The following TTC29 variants were observed in gnomAD, a reference collection of about 807,000 sequenced individuals.
The protein encoded by TTC29 is tetratricopeptide repeat protein 29.
Under a neutral mutation model 58.1 loss-of-function variants are expected in TTC29, and 49 were observed. The observed-to-expected ratio is 0.84, with a 90% CI of 0.67 to 1.07. TTC29 has a LOEUF of 1.07. TTC29 is among the 50% of genes least tolerant of loss of function. TTC29 has a pLI of 0.00. For synonymous variants in TTC29, 209 were observed against 196.8 expected, an observed-to-expected ratio of 1.06 and a Z score of -0.52; for missense variants, 582 against 555.6, an observed-to-expected ratio of 1.05 and a Z score of -0.48.
intron 11 of TTC29, among the ~76,000 whole-genome samples, chr4:146,769,107 G>A (rs1191136806): frequency 1.3e-5 from 2 of 151,884 alleles, no homozygotes; most frequent in East Asian, 3.9e-4. Flanking sequence ...TTGCTTTCAA[G>A]CATTTCTCCC....
chr4:146,892,104 G>A (rs996172270), intron 6 of TTC29, among the ~76,000 whole-genome samples: 18 of 152,102 alleles, frequency 1.2e-4, no homozygotes, highest in African/African-American at 4.3e-4. Flanking sequence ...GGAGGTGATT[G>A]GATCATGGGG....
At chr4:146,933,080 G>A (rs921977202) in intron 4 of TTC29, among the ~76,000 whole-genome samples, 2 of 151,142 alleles carry the variant, frequency 1.3e-5, no homozygotes, top group African/African-American at 2.4e-5. Context: ...AAGATATGAA[G>A]TAAATTGTTC....
chr4:146,788,572 T>C (rs1467766525), intron 11 of TTC29, among the ~76,000 whole-genome samples: 1 of 151,920 alleles, frequency 6.6e-6, no homozygotes, highest in African/African-American at 2.4e-5. Context: ...TCCCACACCA[T>C]TTAATAATAG....
intron 4 of TTC29, among the ~76,000 whole-genome samples, chr4:146,915,296 A>G (rs1734148931): frequency 1.3e-5 from 2 of 151,946 alleles, no homozygotes; most frequent in Non-Finnish European, 2.9e-5. Flanking sequence ...TATTGCATTG[A>G]TTAGGAATTT....
intron 8 of TTC29, among the ~76,000 whole-genome samples, chr4:146,859,184 A>G (rs904894777): frequency 2.0e-5 from 3 of 152,154 alleles, no homozygotes; most frequent in Admixed American, 6.6e-5. Flanking sequence ...TTCAAACTAC[A>G]GATAGAATAA....
At chr4:146,865,692 G>A (rs1003447732) in intron 8 of TTC29, among the ~76,000 whole-genome samples, 19 of 152,036 alleles carry the variant, frequency 1.2e-4, no homozygotes, top group East Asian at 1.9e-4. Flanking sequence ...AATGAGACTC[G>A]TCTATAGTTA....
intron 11 of TTC29, among the ~76,000 whole-genome samples, chr4:146,736,796 G>A (rs1391966366): frequency 2.6e-5 from 4 of 152,196 alleles, no homozygotes; most frequent in African/African-American, 9.6e-5. Flanking sequence ...GCTCAGAAGT[G>A]TTCCATAATA....
intron 6 of TTC29, among the ~76,000 whole-genome samples, chr4:146,897,672 G>C (rs1732863928): frequency 6.6e-6 from 1 of 152,206 alleles, no homozygotes; most frequent in Admixed American, 6.5e-5. Flanking sequence ...GATAATGGGA[G>C]ACCAGCACCC....
At position 146,909,029 on chromosome 4, in the gene TTC29, T is replaced by C. The variant is rs1379070613; in HGVS notation, c.397A>G (p.Lys133Glu). Reference protein sequence around the residue: ...YLTRAEDAERKESFEDVHNNL... With the variant: ...YLTRAEDAEREESFEDVHNNL... ...TGCCCACAGTCCCACCACTTACCTT[T>C]CCTCTCAGCGTCCTCAGCCCTGGTC... The change falls in exon 5 of 13, where the codon AAA (lysine) becomes GAA (glutamate). Residue 133 changes from lysine to glutamate, a missense_variant. Physicochemically the swap from Lys to Glu is moderately conservative, Grantham distance 56. Coordinates refer to ENST00000325106, the MANE Select transcript of TTC29 (RefSeq NM_031956.4). 8 of 1,613,356 alleles carry C rather than the reference T, an allele frequency of 5.0e-6. 1 individual carries two copies. The African/African-American group carries it at 8.0e-5, about 16-fold the overall frequency.
At chr4:146,823,940 CA>C (rs1752009699) in intron 9 of TTC29, among the ~76,000 whole-genome samples, 1 of 152,144 alleles carries the variant, frequency 6.6e-6, no homozygotes, top group African/African-American at 2.4e-5. Flanking sequence ...GTGATTTTCA[CA>C]CATTGATTTT....
chr4:146,893,338 G>A (rs1313335962), intron 6 of TTC29, among the ~76,000 whole-genome samples: 1 of 152,088 alleles, frequency 6.6e-6, no homozygotes, highest in Non-Finnish European at 1.5e-5. Context: ...CAGACATATA[G>A]ACCAATGGAA....
chr4:146,767,779 C>A (rs2150070402), intron 11 of TTC29, among the ~76,000 whole-genome samples: 1 of 152,144 alleles, frequency 6.6e-6, no homozygotes, highest in Admixed American at 6.6e-5. Context: ...ATAAAATGCT[C>A]AGCTCATATT....
chr4:146,725,221 G>A (rs1036073752), intron 11 of TTC29, among the ~76,000 whole-genome samples: 1 of 152,102 alleles, frequency 6.6e-6, no homozygotes, highest in African/African-American at 2.4e-5. Context: ...AGATATGACA[G>A]TACTTATTCA....
At chr4:146,864,226 C>A (rs948767613) in intron 8 of TTC29, among the ~76,000 whole-genome samples, 1 of 151,984 alleles carries the variant, frequency 6.6e-6, no homozygotes, top group Non-Finnish European at 1.5e-5. Flanking sequence ...TCCCTACCCC[C>A]GAAAACAACA....
chr4:146,898,335 C>T (rs900804412), intron 6 of TTC29, among the ~76,000 whole-genome samples: 1 of 152,142 alleles, frequency 6.6e-6, no homozygotes, highest in Admixed American at 6.5e-5. Context: ...TGTGTCTTCA[C>T]AATACTGTGC....
In TTC29 at chr4:146,731,489, C is replaced by CAG. The variant is rs536893953; in HGVS notation, c.1331-23940_1331-23939dup. 3.0e-3 allele frequency among the ~76,000 whole-genome samples: 455 copies of CAG among 151,972 alleles called. 5 individuals carry two copies. Among genetic ancestry groups the CAG allele is most frequent in the African/African-American group, 0.011 (438 of 41,450 alleles). On this transcript the variant is annotated intron_variant, in intron 11 of 12. Transcript: ENST00000325106. Reference sequence around the variant, plus strand: ...CAATTGTAAGAGTGCAAACAGACAGCAGAGAGAGAGTTGTATTTAGCTAGT... The same window carrying CAG: ...CAATTGTAAGAGTGCAAACAGACAGCAGAGAGAGAGAGTTGTATTTAGCTAGT...
chr4:146,775,270 T>C (rs1366658792), intron 11 of TTC29, among the ~76,000 whole-genome samples: 1 of 152,190 alleles, frequency 6.6e-6, no homozygotes, highest in Admixed American at 6.5e-5. Flanking sequence ...TTGATATGTG[T>C]GAATTTGATC....
chr4:146,728,827 A>ATATATACACATATATACGTATATATACG lies in TTC29; in HGVS notation c.1331-21277_1331-21276insCGTATATATACGTATATATGTGTATATA, dbSNP rs1561066581. Reference sequence around the variant, plus strand: ...TACACATATATATGTGTATATATACATATATATACACATATATATGTATAT... The same window carrying ATATATACACATATATACGTATATATACG: ...TACACATATATATGTGTATATATACATATATACACATATATACGTATATATACGTATATATACACATATATATGTATAT... On this transcript the variant is annotated intron_variant, in intron 11 of 12. Coordinates refer to ENST00000325106, the MANE Select transcript of TTC29 (RefSeq NM_031956.4). 4.9e-4 allele frequency among the ~76,000 whole-genome samples: 33 copies of ATATATACACATATATACGTATATATACG among 67,796 alleles called. 4 individuals are homozygous for ATATATACACATATATACGTATATATACG. Among genetic ancestry groups the ATATATACACATATATACGTATATATACG allele is most frequent in the East Asian group, 8.9e-4 (2 of 2,236 alleles). The allele number at this position is 67,796 out of a possible 152,430, so 44.5% of individuals were successfully genotyped here. A position where few individuals can be genotyped will look rare whatever the true frequency, so the allele number is the denominator to read the frequency against.
intron 11 of TTC29, among the ~76,000 whole-genome samples, chr4:146,727,975 C>A (rs971519946): frequency 6.6e-6 from 1 of 152,098 alleles, no homozygotes. Context: ...TTGCTTCATT[C>A]ATTGCTAACT....
Sources: gnomAD v4.1 joint callset for allele counts (sites outside exome capture counted in the v4.1 genomes callset) on GRCh38, gnomAD v4.1.1 for gene constraint, MANE v1.5 for transcripts, NCBI Gene and HGNC (gene_info 2026-07-23, HGNC 2026-07-21) for gene names.